The following ABCA10 variants were observed in gnomAD, a reference collection of about 807,000 sequenced individuals.
The protein encoded by ABCA10 is ATP binding cassette subfamily A member 10.
ABCA10 carries 169 observed loss-of-function variants against 187.5 expected under a neutral mutation model. The observed-to-expected ratio is 0.90, with a 90% CI of 0.80 to 1.02. The LOEUF is 1.02. Among genes scored for constraint, ABCA10 ranks in the 50% least tolerant of loss-of-function variants. ABCA10 has a pLI of 0.00. For missense variants in ABCA10, 1,727 were observed against 1,812.4 expected, an observed-to-expected ratio of 0.95 and a Z score of 0.86; for synonymous variants, 574 against 601.8, an observed-to-expected ratio of 0.95 and a Z score of 0.68.
intron 25 of ABCA10, among the ~76,000 whole-genome samples, chr17:69,167,744 C>T (rs964059090): frequency 2.0e-5 from 3 of 152,024 alleles, no homozygotes; most frequent in African/African-American, 7.2e-5. Context: ...ATTCAAGGCT[C>T]CTTTTGACTT....
Position 69,152,277 on chromosome 17 carries a change from C to T in ABCA10, c.4256+85G>A. 1.9e-6 allele frequency: 3 copies of T among 1,575,402 alleles called. No homozygotes were observed. The South Asian group carries it at 3.6e-5, about 19-fold the overall frequency. The stretch of plus-strand genomic sequence containing the variant: ...AGGTGTTTAATTACAGGTTAGGGAG[C>T]TGTAGAGCATCAGCTGTTCATAGCA... On this transcript the variant is annotated intron_variant, in intron 35 of 38. Transcript: ENST00000690296.
At chr17:69,213,232 T>A (rs1165599646) in intron 9 of ABCA10, among the ~76,000 whole-genome samples, 1 of 152,166 alleles carries the variant, frequency 6.6e-6, no homozygotes, top group Non-Finnish European at 1.5e-5. Context: ...GGATAAGTAC[T>A]CTGGTTTCTC....
At chr17:69,203,875 G>A (rs970085676) in intron 9 of ABCA10, among the ~76,000 whole-genome samples, 1 of 152,160 alleles carries the variant, frequency 6.6e-6, no homozygotes, top group Non-Finnish European at 1.5e-5. Context: ...ACAAAATACA[G>A]ATAGAGAAAA....
intron 11 of ABCA10, 118 bp downstream of exon 11, chr17:69,196,946 T>G: frequency 1.4e-6 from 1 of 710,274 alleles, no homozygotes; most frequent in South Asian, 2.1e-5. Flanking sequence ...GAGGTTGCAG[T>G]GAGCCGAGAT....
chr17:69,210,377 G>A (rs2074632949), intron 9 of ABCA10, among the ~76,000 whole-genome samples: 1 of 149,814 alleles, frequency 6.7e-6, no homozygotes, highest in Admixed American at 6.6e-5. Flanking sequence ...TTTTAGTAGA[G>A]ACGGGGTTTC....
At position 69,209,092 on chromosome 17, in the gene ABCA10, TATGTATA is replaced by T. The variant is rs532427759; in HGVS notation, c.1006+5605_1006+5611del. Among the ~76,000 whole-genome samples, 20 of 152,288 alleles carry T rather than the reference TATGTATA, an allele frequency of 1.3e-4. No individual in the cohort carries two copies. The East Asian group carries it at 2.9e-3, about 22-fold the overall frequency. On this transcript the variant is annotated intron_variant, in intron 9 of 38. Coordinates refer to ENST00000690296, the MANE Select transcript of ABCA10 (RefSeq NM_001377321.1). ...CAGGGTGTTTTTAATGCTCTTGCCA[TATGTATA>T]AGTGACAGAATGAGTGCATACAGAA...
intron 27 of ABCA10, among the ~76,000 whole-genome samples, 191 bp from the exon 28 acceptor site, chr17:69,157,114 C>T (rs966518138): frequency 6.6e-6 from 1 of 152,028 alleles, no homozygotes; most frequent in African/African-American, 2.4e-5. Flanking sequence ...AACTCACCCT[C>T]CCACTGAGAA....
At chr17:69,192,081 T>C (rs558164325) in intron 16 of ABCA10, among the ~76,000 whole-genome samples, 33 of 152,330 alleles carry the variant, frequency 2.2e-4, no homozygotes, top group Admixed American at 3.9e-4. Flanking sequence ...TCCCAGCACT[T>C]TGGGAGGCCA....
chr17:69,156,448 T>C (rs934739005), intron 28 of ABCA10, among the ~76,000 whole-genome samples: 1 of 152,202 alleles, frequency 6.6e-6, no homozygotes, highest in Non-Finnish European at 1.5e-5. Context: ...TAATTCTGTT[T>C]TCTTTTTCTG....
chr17:69,148,148 T>C lies in ABCA10; in HGVS notation c.*679A>G, dbSNP rs1332099938. ...AGTGCTATAATGACATGGGAAATGT[T>C]CATGAACTGTGAGGTGAAAAGATAC... On this transcript the variant is annotated 3_prime_UTR_variant, in exon 39 of 39. Transcript: ENST00000690296. 2 of 152,214 alleles carry C rather than the reference T, an allele frequency of 1.3e-5. No homozygotes were observed. Among genetic ancestry groups the C allele is most frequent in the Non-Finnish European group, 2.9e-5 (2 of 68,066 alleles). The allele number at this position is 152,214 out of a possible 1,614,324, so 9.4% of individuals were successfully genotyped here.
At chr17:69,172,307 T>C (rs1271059790) in intron 25 of ABCA10, among the ~76,000 whole-genome samples, 1 of 152,176 alleles carries the variant, frequency 6.6e-6, no homozygotes, top group African/African-American at 2.4e-5. Flanking sequence ...GCTCAGAACA[T>C]GACTATATTT....
intron 10 of ABCA10, 68 bp from the exon 11 acceptor site, chr17:69,197,190 A>C: frequency 1.6e-6 from 2 of 1,268,012 alleles, no homozygotes; most frequent in Non-Finnish European, 1.1e-6. Context: ...ATTACAGTTC[A>C]TAACTAAGCC....
chr17:69,154,419 ACT>A (rs748302867), intron 30 of ABCA10, 93 bp from the exon 31 acceptor site: 37 of 661,454 alleles, frequency 5.6e-5, no homozygotes, highest in South Asian at 8.5e-5. Flanking sequence ...AAACAAAATG[ACT>A]TTTTTTTTTT....
chr17:69,202,307 A>C (rs1252663920), intron 9 of ABCA10, among the ~76,000 whole-genome samples: 1 of 152,214 alleles, frequency 6.6e-6, no homozygotes, highest in Non-Finnish European at 1.5e-5. Flanking sequence ...ATAGCATATG[A>C]AGATATATTA....
In ABCA10 at chr17:69,240,697, C is replaced by T. The variant is rs889196064; in HGVS notation, c.-593+3832G>A. 9.8e-5 allele frequency among the ~76,000 whole-genome samples: 15 copies of T among 152,352 alleles called. No individual in the cohort carries two copies. In the South Asian group the frequency reaches 1.2e-3, roughly 13 times the overall value. On this transcript the variant is annotated intron_variant, in intron 1 of 39. Transcript: ENST00000269081. ...CTGACTTCTCTACATCATCAAGCCT[C>T]CAAGGGATGGGCCCCTTCCAAAGTT...
intron 1 of ABCA10, among the ~76,000 whole-genome samples, chr17:69,238,891 T>C (rs2074887929): frequency 6.6e-6 from 1 of 152,174 alleles, no homozygotes; most frequent in South Asian, 2.1e-4. Context: ...TTGATTTAAT[T>C]GTAAAGAATG....
Position 69,162,716 on chromosome 17 carries a change from A to C in ABCA10, c.3363+1358T>G, listed in dbSNP as rs970462703. ...TCAATGACAAGGTTAAATTCCCAGG[A>C]TCCTCAGTTCTGTAGGAATGAACTA... On this transcript the variant is annotated intron_variant, in intron 27 of 38. Coordinates refer to ENST00000690296, the MANE Select transcript of ABCA10 (RefSeq NM_001377321.1). Among the ~76,000 whole-genome samples the C allele has an allele frequency of 2.0e-5, 3 of 152,036 alleles. No homozygotes were observed. In the South Asian group the frequency reaches 6.2e-4, roughly 32 times the overall value.
chr17:69,172,967 G>A (rs1416628804), intron 25 of ABCA10, among the ~76,000 whole-genome samples: 1 of 152,144 alleles, frequency 6.6e-6, no homozygotes, highest in African/African-American at 2.4e-5. Context: ...ATATTAATAT[G>A]AGACACATTT....
At chr17:69,192,507 A>G (rs1383097446) in intron 16 of ABCA10, 56 bp downstream of exon 16, 23 of 1,413,070 alleles carry the variant, frequency 1.6e-5, no homozygotes, top group Non-Finnish European at 2.0e-5. Flanking sequence ...CTTCTACAAA[A>G]TGTCACCCTC....
Sources: allele counts gnomAD v4.1 joint callset (sites outside exome capture counted in the v4.1 genomes callset), GRCh38; gene constraint gnomAD v4.1.1; transcripts MANE v1.5; gene names NCBI Gene and HGNC (gene_info 2026-07-23, HGNC 2026-07-21).